The following LNX1 variants were observed in gnomAD, a reference collection of about 807,000 sequenced individuals.
LNX1 encodes the protein ligand of numb-protein X 1, also known as E3 ubiquitin-protein ligase LNX.
In LNX1, 54 loss-of-function variants were observed where a neutral mutation model predicts 68.4. The ratio of observed to expected loss-of-function variants is 0.79; its 90% CI spans 0.63 to 0.99. The LOEUF (loss-of-function observed/expected upper bound fraction) is 0.99. LNX1 is among the 50% of genes least tolerant of loss of function. The probability of loss-of-function intolerance (pLI) is 0.00; values close to 1 mark genes in which losing one functional copy is unlikely to be tolerated. For missense variants in LNX1, 906 were observed against 926.4 expected (o/e 0.98, Z 0.29); for synonymous variants, 336 against 350.0 (o/e 0.96, Z 0.45).
intron 6 of LNX1, among the ~76,000 whole-genome samples, chr4:53,486,500 T>C (rs1724303719): frequency 6.6e-6 from 1 of 152,188 alleles, no homozygotes; most frequent in Non-Finnish European, 1.5e-5. Context: ...CCAAGGCTGA[T>C]CTGCCTGCCC....
At chr4:53,499,272 C>T (rs1158277343) in intron 4 of LNX1, among the ~76,000 whole-genome samples, 1 of 152,204 alleles carries the variant, frequency 6.6e-6, no homozygotes, top group East Asian at 1.9e-4. Context: ...GATCTTCCCA[C>T]CTCAGCCTCC....
intron 6 of LNX1, among the ~76,000 whole-genome samples, chr4:53,484,961 T>C (rs1006363622): frequency 8.5e-5 from 13 of 152,224 alleles, no homozygotes; most frequent in African/African-American, 3.1e-4. Context: ...TTTACCTATC[T>C]TGAATTCCCT....
chr4:53,492,516 A>AGAGAGAGAGG (rs1724758678), intron 6 of LNX1, among the ~76,000 whole-genome samples: 1 of 149,606 alleles, frequency 6.7e-6, no homozygotes, highest in Non-Finnish European at 1.5e-5. Flanking sequence ...TGAGAGAGAG[A>AGAGAGAGAGG]GAGAGAGAGA....
intron 2 of LNX1, among the ~76,000 whole-genome samples, chr4:53,607,244 G>A (rs777429146): frequency 6.6e-6 from 1 of 152,172 alleles, no homozygotes; most frequent in Non-Finnish European, 1.5e-5. Context: ...TCACTGATCT[G>A]ATAAACAACT....
At chr4:53,585,070 T>C (rs950064655) in intron 1 of LNX1, among the ~76,000 whole-genome samples, 4 of 152,178 alleles carry the variant, frequency 2.6e-5, no homozygotes, top group African/African-American at 7.2e-5. Flanking sequence ...TAAGGTCCCT[T>C]TGAAAACCCG....
Position 53,501,298 on chromosome 4 carries a change from T to TGGG in LNX1, c.776-2456_776-2455insCCC, listed in dbSNP as rs1553932758. On this transcript the variant is annotated intron_variant, in intron 4 of 10. Transcript: ENST00000263925. ...ATAATAATCTTTTTTTTTTTTTTTT[T>TGGG]TGGGGGTGGGGGGACAGGATCTCAC... 8.4e-4 allele frequency among the ~76,000 whole-genome samples: 8 copies of TGGG among 9,492 alleles called. 1 individual carries two copies. The highest frequency in any genetic ancestry group is 1.6e-3 in the African/African-American group (8 of 4,930). 6.2% of individuals were successfully genotyped at this position (9,492 alleles called of 152,430 possible).
At chr4:53,580,649 C>T (rs1731774103) in intron 1 of LNX1, among the ~76,000 whole-genome samples, 1 of 152,118 alleles carries the variant, frequency 6.6e-6, no homozygotes, top group South Asian at 2.1e-4. Flanking sequence ...TTTTTAAAAA[C>T]AAAAGCAATG....
intron 2 of LNX1, among the ~76,000 whole-genome samples, chr4:53,556,493 G>T (rs1729921487): frequency 6.6e-6 from 1 of 152,130 alleles, no homozygotes; most frequent in Non-Finnish European, 1.5e-5. Flanking sequence ...GGAATGGGTG[G>T]GCAGGGAAGA....
intron 2 of LNX1, among the ~76,000 whole-genome samples, chr4:53,522,509 TTATTACA>T (rs1447659677): frequency 6.6e-6 from 1 of 152,206 alleles, no homozygotes; most frequent in Non-Finnish European, 1.5e-5. Context: ...CCTTAGGGTT[TTATTACA>T]TATTGACACA....
At chr4:53,565,563 A>G (rs1730612987) in intron 2 of LNX1, among the ~76,000 whole-genome samples, 1 of 151,978 alleles carries the variant, frequency 6.6e-6, no homozygotes, top group Non-Finnish European at 1.5e-5. Context: ...CAGAACAGAA[A>G]AACTGGAAAC....
At chr4:53,541,879 G>T (rs1728789438) in intron 2 of LNX1, among the ~76,000 whole-genome samples, 2 of 152,194 alleles carry the variant, frequency 1.3e-5, no homozygotes, top group South Asian at 4.1e-4. Context: ...GAAATTTGGA[G>T]AATTATATAA....
intron 9 of LNX1, among the ~76,000 whole-genome samples, chr4:53,468,415 T>C (rs1326393309): frequency 6.6e-6 from 1 of 152,196 alleles, no homozygotes. Flanking sequence ...CCATCGAGGC[T>C]AAGAAGAAAC....
At chr4:53,539,267 T>G (rs915142012) in intron 2 of LNX1, 10 of 152,290 alleles carry the variant, frequency 6.6e-5, no homozygotes, top group Non-Finnish European at 1.2e-4. Context: ...GGTCTGGACC[T>G]TCTCACTATA....
intron 2 of LNX1, among the ~76,000 whole-genome samples, chr4:53,520,119 A>G (rs1165053967): frequency 6.6e-6 from 1 of 152,226 alleles, no homozygotes; most frequent in Non-Finnish European, 1.5e-5. Context: ...GGTACCTCCC[A>G]GTGTGCGCTC....
intron 2 of LNX1, among the ~76,000 whole-genome samples, chr4:53,556,507 T>C (rs1729922665): frequency 6.6e-6 from 1 of 152,134 alleles, no homozygotes; most frequent in African/African-American, 2.4e-5. Flanking sequence ...GGGAAGAATA[T>C]CATGGCACTG....
chr4:53,623,426 G>T (rs1394395912), intron 1 of LNX1, among the ~76,000 whole-genome samples: 1 of 151,736 alleles, frequency 6.6e-6, no homozygotes, highest in Non-Finnish European at 1.5e-5. Flanking sequence ...GTAGAGACAG[G>T]ATTTCACCAT....
In LNX1 at chr4:53,536,627, G is replaced by A. The variant is rs112637890; in HGVS notation, c.381-28400C>T. On this transcript the variant is annotated intron_variant, in intron 2 of 10. Transcript: ENST00000263925. ...GGTTTGGTGCTTCCATTTCCATATT[G>A]CTTCTTCATAAAAAGTTTTGCAAAT... Among the ~76,000 whole-genome samples the A allele has an allele frequency of 4.5e-3, 686 of 152,230 alleles. 13 individuals carry two copies. The highest frequency in any genetic ancestry group is 0.016 in the African/African-American group (657 of 41,532).
Position 53,459,405 on chromosome 4 carries a change from C to A in LNX1, c.*1502G>T. On this transcript the variant is annotated 3_prime_UTR_variant, in exon 11 of 11. Transcript: ENST00000263925. ...AGAAGGAAAAGAAGCGGGCAGTGAG[C>A]CTGCCCCTGAACAGGAGAGCACCGA... The A allele has an allele frequency of 6.2e-7, 1 of 1,611,946 alleles. No homozygotes were observed. The highest frequency in any genetic ancestry group is 8.5e-7 in the Non-Finnish European group (1 of 1,179,270).
chr4:53,526,805 A>C (rs1342703564), intron 2 of LNX1, among the ~76,000 whole-genome samples: 1 of 151,486 alleles, frequency 6.6e-6, no homozygotes, highest in East Asian at 1.9e-4. Context: ...AATTCCTTCG[A>C]CCTCTTCTGT....
Sources: allele counts gnomAD v4.1 joint callset (sites outside exome capture counted in the v4.1 genomes callset), GRCh38; gene constraint gnomAD v4.1.1; transcripts MANE v1.5; gene names NCBI Gene and HGNC (gene_info 2026-07-23, HGNC 2026-07-21).